TLN2: variants seen among roughly 807,000 people sequenced by gnomAD.
The protein encoded by TLN2 is talin 2.
In TLN2, 118 loss-of-function variants were observed where a neutral mutation model predicts 294.7. The observed-to-expected ratio is 0.40, with a 90% CI of 0.34 to 0.47. TLN2 has a LOEUF of 0.47. Ranked by LOEUF, TLN2 falls within the 20% of genes least tolerant of loss-of-function variation. The pLI, the probability that TLN2 is intolerant of heterozygous loss-of-function variation, is 0.84. For synonymous variants in TLN2, 1,431 were observed against 1,304.5 expected, an observed-to-expected ratio of 1.10 and a Z score of -2.09; for missense variants, 3,083 against 3,282.2, an observed-to-expected ratio of 0.94 and a Z score of 1.48.
At chr15:62,474,043 C>T (rs2140367874) in intron 1 of TLN2, among the ~76,000 whole-genome samples, 1 of 152,214 alleles carries the variant, frequency 6.6e-6, no homozygotes, top group African/African-American at 2.4e-5. Flanking sequence ...GCAGTGAGCC[C>T]AGACATGTGC....
intron 1 of TLN2, among the ~76,000 whole-genome samples, chr15:62,520,486 G>T (rs1241874594): frequency 1.3e-5 from 2 of 152,156 alleles, no homozygotes; most frequent in Non-Finnish European, 2.9e-5. Flanking sequence ...TTCTCTAAGG[G>T]GTTAGAAAAG....
chr15:62,549,480 GCATCCATCCATCCATC>G (rs58665636), intron 1 of TLN2, among the ~76,000 whole-genome samples: 11 of 147,756 alleles, frequency 7.4e-5, no homozygotes, highest in South Asian at 2.2e-4. Flanking sequence ...TGCATGCCAT[GCATCCATCCATCCATC>G]CATCCATCCA....
At chr15:62,593,149 CAGTGA>C (rs1164806085) in intron 2 of TLN2, among the ~76,000 whole-genome samples, 1 of 152,182 alleles carries the variant, frequency 6.6e-6, no homozygotes, top group African/African-American at 2.4e-5. Flanking sequence ...GCTATGACGT[CAGTGA>C]AGAGAAGTTG....
At chr15:62,439,856 A>T (rs1179666589) in intron 1 of TLN2, among the ~76,000 whole-genome samples, 1 of 152,092 alleles carries the variant, frequency 6.6e-6, no homozygotes, top group Admixed American at 6.5e-5. Flanking sequence ...AGAGGCCATT[A>T]ATTAGGGGCA....
rs563453881 is a variant in TLN2 at position 62,442,755 on chromosome 15, A to G, written c.-238+52070A>G. Among the ~76,000 whole-genome samples, 9 of 152,304 alleles carry G rather than the reference A, an allele frequency of 5.9e-5. No individual in the cohort carries two copies. In the South Asian group the frequency reaches 1.7e-3, roughly 28 times the overall value. The stretch of plus-strand genomic sequence containing the variant: ...CATTTTGCTGCTGTAACAAATTACT[A>G]CACATTTAGTAGCTTAAAGCAACAC... On this transcript the variant is annotated intron_variant, in intron 1 of 58. Transcript: ENST00000636159.
chr15:62,426,187 C>T (rs1286050019), intron 1 of TLN2, among the ~76,000 whole-genome samples: 24 of 152,200 alleles, frequency 1.6e-4, no homozygotes, highest in Admixed American at 1.5e-3. Flanking sequence ...CTCCCGCTGT[C>T]ACTCCCTTGC....
intron 6 of TLN2, 87 bp downstream of exon 6, chr15:62,652,221 G>T: frequency 7.3e-7 from 1 of 1,378,124 alleles, no homozygotes. Context: ...TTGATCTCTA[G>T]GCAACTTTGA....
chr15:62,461,110 G>A (rs1260945928), intron 1 of TLN2, among the ~76,000 whole-genome samples: 3 of 151,976 alleles, frequency 2.0e-5, no homozygotes, highest in East Asian at 1.9e-4. Context: ...TACCATGCCC[G>A]GCTAATTTTT....
intron 50 of TLN2, among the ~76,000 whole-genome samples, chr15:62,802,653 C>G (rs1347477496): frequency 6.6e-6 from 1 of 152,202 alleles, no homozygotes; most frequent in Non-Finnish European, 1.5e-5. Flanking sequence ...AATCTCCAAA[C>G]TCTTCTCCAT....
chr15:62,513,291 G>A (rs1168148743), intron 1 of TLN2, among the ~76,000 whole-genome samples: 1 of 152,122 alleles, frequency 6.6e-6, no homozygotes, highest in African/African-American at 2.4e-5. Context: ...GTTGCCAGAT[G>A]TTGAGGGCCA....
Position 62,796,306 on chromosome 15 carries a change from C to T in TLN2, c.6050+13C>T. On this transcript the variant is annotated intron_variant, in intron 47 of 58. Coordinates refer to ENST00000636159, the MANE Select transcript of TLN2 (RefSeq NM_015059.3). ...TCGCAGACCACAGGTACGTGGGGGT[C>T]CTGGACGGGGAGAGGTTCAGGCTGG... 1.2e-6 allele frequency: 2 copies of T among 1,607,854 alleles called. No homozygotes were observed. Among genetic ancestry groups the T allele is most frequent in the South Asian group, 2.2e-5 (2 of 89,890 alleles).
In TLN2 at chr15:62,833,619, C is replaced by T. The variant is rs368584189; in HGVS notation, c.7118C>T (p.Ala2373Val). ...TCAGCAGCCCAGAGGGAGCTGGTGG[C>T]CCAAGGAAAGGTGGGTAAAGCCGCT... ...SASAAQRELVAQGKVGSIPAN... is the reference protein window; with the variant it reads ...SASAAQRELVVQGKVGSIPAN... The change falls in exon 55 of 59, where the codon GCC becomes GTC. Residue 2373 changes from alanine to valine, a missense_variant. Ala to Val is a moderately conservative substitution (Grantham distance 64). Coordinates refer to ENST00000636159, the MANE Select transcript of TLN2 (RefSeq NM_015059.3). 3.5e-5 allele frequency: 56 copies of T among 1,613,732 alleles called. No homozygotes were observed. Among genetic ancestry groups the T allele is most frequent in the Non-Finnish European group, 4.3e-5 (51 of 1,179,934 alleles).
At chr15:62,615,637 G>A (rs2048255671) in intron 2 of TLN2, among the ~76,000 whole-genome samples, 1 of 152,214 alleles carries the variant, frequency 6.6e-6, no homozygotes, top group Admixed American at 6.5e-5. Context: ...ATATGCACGT[G>A]TGTATGTATG....
At chr15:62,731,957 G>A (rs2060752735) in intron 28 of TLN2, among the ~76,000 whole-genome samples, 1 of 152,106 alleles carries the variant, frequency 6.6e-6, no homozygotes, top group Non-Finnish European at 1.5e-5. Flanking sequence ...GGAACACAAA[G>A]TTATAGTACA....
chr15:62,571,368 G>A (rs1007318337), intron 1 of TLN2, among the ~76,000 whole-genome samples: 2 of 152,168 alleles, frequency 1.3e-5, no homozygotes, highest in Non-Finnish European at 1.5e-5. Context: ...ATAGTTCCTG[G>A]ACTTTCTCAA....
At chr15:62,525,614 C>T (rs1290732655) in intron 1 of TLN2, among the ~76,000 whole-genome samples, 6 of 152,234 alleles carry the variant, frequency 3.9e-5, no homozygotes, top group Admixed American at 6.5e-5. Context: ...TAACTGCAGT[C>T]ACCCTTTTCT....
chr15:62,701,560 C>G (rs138516903), intron 17 of TLN2, among the ~76,000 whole-genome samples: 130 of 152,326 alleles, frequency 8.5e-4, no homozygotes, highest in African/African-American at 3.0e-3. Flanking sequence ...ATGAACAGAC[C>G]TGTCATATGT....
At chr15:62,476,922 G>C (rs1196724904) in intron 1 of TLN2, among the ~76,000 whole-genome samples, 1 of 151,978 alleles carries the variant, frequency 6.6e-6, no homozygotes, top group Non-Finnish European at 1.5e-5. Flanking sequence ...CCATCCCCAG[G>C]TATGCATCCT....
chr15:62,745,014 T>C (rs1162872686), intron 32 of TLN2, among the ~76,000 whole-genome samples: 2 of 152,232 alleles, frequency 1.3e-5, no homozygotes, highest in East Asian at 1.9e-4. Context: ...GGGTGACTTG[T>C]GCTAAATAGG....
Sources: gnomAD v4.1 joint callset for allele counts (sites outside exome capture counted in the v4.1 genomes callset) on GRCh38, gnomAD v4.1.1 for gene constraint, MANE v1.5 for transcripts, NCBI Gene and HGNC (gene_info 2026-07-23, HGNC 2026-07-21) for gene names.